PTH2R: variants seen among roughly 807,000 people sequenced by gnomAD.
The protein encoded by PTH2R is PTH2 receptor.
In PTH2R, 59 loss-of-function variants were observed where a neutral mutation model predicts 60.3. The observed-to-expected ratio is 0.98, with a 90% CI of 0.79 to 1.22. The LOEUF is 1.22. Among genes scored for constraint, PTH2R ranks in the 50% most tolerant of loss-of-function variants. The pLI is 0.00. For synonymous variants in PTH2R, 256 were observed against 243.8 expected, an observed-to-expected ratio of 1.05 and a Z score of -0.47; for missense variants, 749 against 682.6, an observed-to-expected ratio of 1.10 and a Z score of -1.08.
At chr2:208,479,352 G>A (rs1703093350) in intron 9 of PTH2R, among the ~76,000 whole-genome samples, 1 of 152,062 alleles carries the variant, frequency 6.6e-6, no homozygotes, top group Admixed American at 6.6e-5. Context: ...TTCCTTTTCC[G>A]GGATAAGGTG....
intron 1 of PTH2R, among the ~76,000 whole-genome samples, chr2:208,408,787 C>T (rs1482986404): frequency 7.2e-6 from 1 of 138,294 alleles, no homozygotes; most frequent in Non-Finnish European, 1.5e-5. Flanking sequence ...AATAAATCAC[C>T]ATGGGATTGT....
chr2:208,374,663 T>C (rs182658452), intron 1 of PTH2R, among the ~76,000 whole-genome samples: 1 of 152,066 alleles, frequency 6.6e-6, no homozygotes, highest in East Asian at 1.9e-4. Flanking sequence ...CAACCACGCC[T>C]GGCTAAGTTT....
chr2:208,430,051 T>G (rs1050217173), intron 2 of PTH2R, among the ~76,000 whole-genome samples: 4 of 152,308 alleles, frequency 2.6e-5, no homozygotes, highest in Middle Eastern at 3.4e-3. Flanking sequence ...ATTTTTCTCA[T>G]TTTATTCCAT....
At chr2:208,448,362 ACTT>A (rs1702332430) in intron 7 of PTH2R, among the ~76,000 whole-genome samples, 1 of 152,014 alleles carries the variant, frequency 6.6e-6, no homozygotes, top group South Asian at 2.1e-4. Flanking sequence ...TCTTCACAAA[ACTT>A]ATTTATTTTG....
At chr2:208,370,928 A>G (rs1351719863) in intron 1 of PTH2R, among the ~76,000 whole-genome samples, 1 of 152,058 alleles carries the variant, frequency 6.6e-6, no homozygotes, top group Non-Finnish European at 1.5e-5. Context: ...GCTTACAATC[A>G]TAGCTGAAGG....
chr2:208,484,817 C>T (rs772217187), intron 10 of PTH2R, among the ~76,000 whole-genome samples: 4 of 152,188 alleles, frequency 2.6e-5, no homozygotes, highest in Non-Finnish European at 5.9e-5. Context: ...GATACTTTCT[C>T]TCTGTGAGCC....
chr2:208,373,678 G>A (rs1246019229), intron 1 of PTH2R, among the ~76,000 whole-genome samples: 1 of 151,886 alleles, frequency 6.6e-6, no homozygotes, highest in Non-Finnish European at 1.5e-5. Context: ...AGAGGGCTGT[G>A]AAGTACTTAA....
At chr2:208,385,085 AT>A (rs1182348980) in intron 1 of PTH2R, among the ~76,000 whole-genome samples, 1 of 152,142 alleles carries the variant, frequency 6.6e-6, no homozygotes, top group Non-Finnish European at 1.5e-5. Flanking sequence ...GGATGGAAGA[AT>A]TTTCTTTGTA....
intron 8 of PTH2R, among the ~76,000 whole-genome samples, chr2:208,452,864 A>G (rs1702433646): frequency 6.6e-6 from 1 of 152,220 alleles, no homozygotes; most frequent in Non-Finnish European, 1.5e-5. Flanking sequence ...CACGAATGGT[A>G]GAAAAGTACT....
chr2:208,458,105 C>G (rs1702551019), intron 8 of PTH2R, among the ~76,000 whole-genome samples: 1 of 152,106 alleles, frequency 6.6e-6, no homozygotes, highest in African/African-American at 2.4e-5. Flanking sequence ...CATTTCTGTG[C>G]TATTTATTCC....
chr2:208,371,315 A>G (rs537025550), intron 1 of PTH2R, among the ~76,000 whole-genome samples: 21 of 152,102 alleles, frequency 1.4e-4, no homozygotes, highest in Admixed American at 9.2e-4. Flanking sequence ...GCTATCATCA[A>G]CTCCTTCTGA....
intron 1 of PTH2R, among the ~76,000 whole-genome samples, chr2:208,421,802 G>A (rs1364306446): frequency 6.6e-6 from 1 of 152,128 alleles, no homozygotes; most frequent in Non-Finnish European, 1.5e-5. Flanking sequence ...AAACTGATTT[G>A]TTACTTGGCC....
intron 1 of PTH2R, 49 bp from the exon 2 acceptor site, chr2:208,428,152 G>A: frequency 7.1e-7 from 1 of 1,403,320 alleles, no homozygotes; most frequent in African/African-American, 1.4e-5. Flanking sequence ...CTTGTATCCT[G>A]GCTTGAAAAA....
intron 7 of PTH2R, among the ~76,000 whole-genome samples, chr2:208,450,492 C>G (rs991105595): frequency 6.6e-6 from 1 of 152,108 alleles, no homozygotes; most frequent in Non-Finnish European, 1.5e-5. Context: ...ATGGCTTTTC[C>G]CTACACCCCT....
At chr2:208,413,537 A>G (rs1054192924) in intron 1 of PTH2R, among the ~76,000 whole-genome samples, 1 of 152,242 alleles carries the variant, frequency 6.6e-6, no homozygotes, top group African/African-American at 2.4e-5. Context: ...TATGATTTCA[A>G]TAGTGCAAGA....
At chr2:208,389,131 G>GA (rs939290844) in intron 1 of PTH2R, among the ~76,000 whole-genome samples, 3 of 151,272 alleles carry the variant, frequency 2.0e-5, no homozygotes, top group Non-Finnish European at 4.4e-5. Context: ...CAAGCTACAG[G>GA]AAAAAACTAA....
chr2:208,481,888 C>T (rs1235953725), intron 10 of PTH2R, among the ~76,000 whole-genome samples: 3 of 152,108 alleles, frequency 2.0e-5, no homozygotes, highest in Non-Finnish European at 2.9e-5. Context: ...TGAGAGAGGT[C>T]CATTCTTCAG....
At chr2:208,418,214 G>A (rs1350434639) in intron 1 of PTH2R, among the ~76,000 whole-genome samples, 9 of 151,774 alleles carry the variant, frequency 5.9e-5, no homozygotes, top group Non-Finnish European at 1.3e-4. Flanking sequence ...AAAAAAGAAA[G>A]CTTTACTAAG....
intron 1 of PTH2R, among the ~76,000 whole-genome samples, chr2:208,394,669 T>C: frequency 6.6e-6 from 1 of 152,188 alleles, no homozygotes; most frequent in South Asian, 2.1e-4. Flanking sequence ...CAAGAAAAAC[T>C]ACGTAATTGA....
Sources: gnomAD v4.1 joint callset for allele counts (sites outside exome capture counted in the v4.1 genomes callset) on GRCh38, gnomAD v4.1.1 for gene constraint, MANE v1.5 for transcripts, NCBI Gene and HGNC (gene_info 2026-07-23, HGNC 2026-07-21) for gene names.